Variants in ASB7 observed in about 807,000 individuals in gnomAD.
ASB7 encodes ankyrin repeat and SOCS box containing 7.
ASB7 carries 4 observed loss-of-function variants against 32.5 expected under a neutral mutation model. The ratio of observed to expected loss-of-function variants is 0.12; its 90% confidence interval spans 0.06 to 0.28. ASB7 has a LOEUF of 0.28. Ranked by LOEUF, ASB7 falls within the 10% of genes least tolerant of loss-of-function variation. ASB7 has a pLI of 1.00. For missense variants in ASB7, 181 were observed against 407.1 expected (o/e 0.44, Z 4.78); for synonymous variants, 172 against 155.6 (o/e 1.11, Z -0.78).
chr15:100,616,707 C>A (rs1489846917), intron 4 of ASB7, among the ~76,000 whole-genome samples: 1 of 152,190 alleles, frequency 6.6e-6, no homozygotes, highest in African/African-American at 2.4e-5. Flanking sequence ...TTACCTGATA[C>A]CCTTTCCCTA....
intron 4 of ASB7, among the ~76,000 whole-genome samples, chr15:100,619,200 G>A (rs1263098846): frequency 6.6e-6 from 1 of 152,206 alleles, no homozygotes; most frequent in African/African-American, 2.4e-5. Flanking sequence ...CTGGAAGGAT[G>A]GGGGTGTGGA....
intron 5 of ASB7, among the ~76,000 whole-genome samples, chr15:100,638,974 AT>A (rs1346079253): frequency 6.6e-6 from 1 of 152,108 alleles, no homozygotes; most frequent in Non-Finnish European, 1.5e-5. Flanking sequence ...GGTCTAGGTG[AT>A]TCTTAAGTCA....
chr15:100,644,986 AG>A (rs1317019900), intron 5 of ASB7, among the ~76,000 whole-genome samples: 1 of 152,256 alleles, frequency 6.6e-6, no homozygotes, highest in African/African-American at 2.4e-5. Context: ...ATGTTCATAC[AG>A]GCCTTACAGA....
At chr15:100,632,008 C>T (rs1335377656) in intron 5 of ASB7, among the ~76,000 whole-genome samples, 1 of 152,220 alleles carries the variant, frequency 6.6e-6, no homozygotes, top group African/African-American at 2.4e-5. Flanking sequence ...AGCCACGTGG[C>T]CGAGAGGAGC....
intron 2 of ASB7, among the ~76,000 whole-genome samples, chr15:100,607,728 A>C (rs768573891): frequency 2.0e-5 from 3 of 152,196 alleles, no homozygotes; most frequent in African/African-American, 4.8e-5. Context: ...CCTGTGGCCA[A>C]ACCCTATCAC....
In ASB7 at chr15:100,650,903, G is replaced by T. The variant is rs1249103705; in HGVS notation, c.*2441G>T. 6.6e-6 allele frequency: 1 copy of T among 152,206 alleles called. No individual in the cohort carries two copies. The highest frequency in any genetic ancestry group is 2.4e-5 in the African/African-American group (1 of 41,442). The allele number at this position is 152,206 out of a possible 1,614,324, so 9.4% of individuals were successfully genotyped here. On this transcript the variant is annotated 3_prime_UTR_variant, in exon 6 of 6. Transcript: ENST00000332783. ...TAGATGATAGTGGTGACACCTGCAG[G>T]TCTGCATTTGAATTGGATTCACAGA... is the stretch of plus-strand genomic sequence containing the variant.
At chr15:100,623,956 T>G (rs551969276) in intron 4 of ASB7, among the ~76,000 whole-genome samples, 1 of 152,318 alleles carries the variant, frequency 6.6e-6, no homozygotes, top group Non-Finnish European at 1.5e-5. Context: ...TCCATTGTGG[T>G]ATATATACAC....
At chr15:100,626,239 C>CAA (rs1256874265) in intron 4 of ASB7, among the ~76,000 whole-genome samples, 1 of 152,118 alleles carries the variant, frequency 6.6e-6, no homozygotes. Flanking sequence ...ACACATCTGA[C>CAA]AAAAGGCTTG....
chr15:100,623,348 A>G (rs774500680), intron 4 of ASB7, among the ~76,000 whole-genome samples: 11 of 152,234 alleles, frequency 7.2e-5, no homozygotes, highest in Non-Finnish European at 1.3e-4. Flanking sequence ...GGTTGCAGGT[A>G]GCCGAGATCA....
rs865934571 is a variant in ASB7, at chr15:100,651,200, T to G, written c.*2738T>G. 9 of 149,984 alleles carry G rather than the reference T, an allele frequency of 6.0e-5. No individual in the cohort carries two copies. In the South Asian group the frequency reaches 8.3e-4, roughly 14 times the overall value. 9.3% of individuals were successfully genotyped at this position (149,984 alleles called of 1,614,324 possible). A position where few individuals can be genotyped will look rare whatever the true frequency, so the allele number is the denominator to read the frequency against. ...TCTTTCGAAAACAAGGTTTTGTGTT[T>G]TTTTTTTTTTGTAAATATTTGTGTT... On this transcript the variant is annotated 3_prime_UTR_variant, in exon 6 of 6. Transcript: ENST00000332783.
At chr15:100,635,490 T>C (rs2039915825) in intron 5 of ASB7, among the ~76,000 whole-genome samples, 2 of 152,182 alleles carry the variant, frequency 1.3e-5, no homozygotes, top group East Asian at 3.9e-4. Context: ...TGGCTGTGAA[T>C]TGGGCTGTGA....
At chr15:100,643,208 C>T (rs1322718064) in intron 5 of ASB7, among the ~76,000 whole-genome samples, 1 of 152,094 alleles carries the variant, frequency 6.6e-6, no homozygotes, top group Non-Finnish European at 1.5e-5. Context: ...TAGTGAATGT[C>T]CCAAGAGTCT....
intron 4 of ASB7, among the ~76,000 whole-genome samples, chr15:100,618,198 C>G (rs995765542): frequency 2.0e-5 from 3 of 152,120 alleles, no homozygotes; most frequent in Non-Finnish European, 2.9e-5. Context: ...CTCACTGCAA[C>G]CTCCGCCTCC....
rs1271071128 is a variant in ASB7 at position 100,614,243 on chromosome 15, C to G, written c.211+1816C>G. Among the ~76,000 whole-genome samples the G allele has an allele frequency of 3.4e-5, 5 of 149,066 alleles. No homozygotes were observed. The Admixed American group carries it at 3.4e-4, about 10-fold the overall frequency. ...GAGCTGAGATCATGCCACTGCACTC[C>G]TGCCTGGGCGAAATTGTGAAACTCT... is the stretch of plus-strand genomic sequence containing the variant. On this transcript the variant is annotated intron_variant, in intron 4 of 5. Transcript: ENST00000332783.
chr15:100,618,558 A>T (rs1379843656), intron 4 of ASB7, among the ~76,000 whole-genome samples: 3 of 152,098 alleles, frequency 2.0e-5, no homozygotes, highest in Non-Finnish European at 4.4e-5. Flanking sequence ...ACTCATAAGA[A>T]ACAAGACTTG....
chr15:100,641,390 G>A (rs2039960848), intron 5 of ASB7, among the ~76,000 whole-genome samples: 1 of 152,154 alleles, frequency 6.6e-6, no homozygotes, highest in Non-Finnish European at 1.5e-5. Context: ...GACTGTCTTA[G>A]AAATGACAGT....
chr15:100,611,067 C>T (rs1046592729), intron 3 of ASB7, among the ~76,000 whole-genome samples: 1 of 152,148 alleles, frequency 6.6e-6, no homozygotes, highest in African/African-American at 2.4e-5. Context: ...ATTTTTGAGA[C>T]AGGGTCTTGC....
chr15:100,632,115 A>G (rs1291372909), intron 5 of ASB7, among the ~76,000 whole-genome samples: 1 of 152,364 alleles, frequency 6.6e-6, no homozygotes, highest in East Asian at 1.9e-4. Context: ...TGTTGAGTTA[A>G]AGACTCACAT....
At chr15:100,633,458 T>G (rs1021240491) in intron 5 of ASB7, among the ~76,000 whole-genome samples, 2 of 152,046 alleles carry the variant, frequency 1.3e-5, no homozygotes, top group African/African-American at 4.8e-5. Flanking sequence ...ATGCCTGTAA[T>G]CCCAGTTACT....
Sources: gnomAD v4.1 joint callset for allele counts (sites outside exome capture counted in the v4.1 genomes callset) on GRCh38, gnomAD v4.1.1 for gene constraint, MANE v1.5 for transcripts, NCBI Gene and HGNC (gene_info 2026-07-23, HGNC 2026-07-21) for gene names.